Variants in SNTB1 observed in about 807,000 individuals in gnomAD.
SNTB1 encodes beta-1-syntrophin.
A neutral mutation model predicts 48.9 loss-of-function variants in SNTB1; 36 were observed. That is an observed-to-expected ratio of 0.74 (90% CI 0.56 to 0.97). The LOEUF (loss-of-function observed/expected upper bound fraction) is 0.97. SNTB1 is among the 50% of genes least tolerant of loss of function. The probability of loss-of-function intolerance (pLI) is 0.00; values close to 1 mark genes in which losing one functional copy is unlikely to be tolerated. For missense variants in SNTB1, 786 were observed against 703.4 expected, an observed-to-expected ratio of 1.12 and a Z score of -1.33; for synonymous variants, 299 against 294.6, an observed-to-expected ratio of 1.01 and a Z score of -0.15.
chr8:120,690,070 G>A (rs1463307521), intron 2 of SNTB1, among the ~76,000 whole-genome samples: 1 of 139,820 alleles, frequency 7.2e-6, no homozygotes, highest in African/African-American at 2.8e-5. Context: ...GTCAACTGCA[G>A]CCCAAAATAA....
chr8:120,704,755 C>G (rs1023599308), intron 1 of SNTB1, among the ~76,000 whole-genome samples: 1 of 152,044 alleles, frequency 6.6e-6, no homozygotes, highest in Non-Finnish European at 1.5e-5. Context: ...ACACCTAATG[C>G]TTATGATGAC....
intron 3 of SNTB1, among the ~76,000 whole-genome samples, chr8:120,578,544 C>T (rs1815986810): frequency 6.6e-6 from 1 of 152,158 alleles, no homozygotes; most frequent in African/African-American, 2.4e-5. Flanking sequence ...GGCTTCCTGC[C>T]TTGAGTGCTG....
chr8:120,606,443 A>C (rs528561661), intron 3 of SNTB1, among the ~76,000 whole-genome samples: 23 of 151,348 alleles, frequency 1.5e-4, no homozygotes, highest in South Asian at 6.3e-4. Flanking sequence ...GTATATACAC[A>C]CACTCCAAAT....
intron 1 of SNTB1, among the ~76,000 whole-genome samples, chr8:120,757,081 T>C (rs550433459): frequency 5.3e-5 from 8 of 152,338 alleles, no homozygotes; most frequent in South Asian, 2.1e-4. Flanking sequence ...ACATCTACTA[T>C]ACGCCAGGCC....
At chr8:120,571,496 T>TTG (rs1563820292) in intron 4 of SNTB1, 10 of 339,882 alleles carry the variant, frequency 2.9e-5, no homozygotes, top group African/African-American at 2.8e-4. Flanking sequence ...TTTTTTTTTT[T>TTG]TTTTTTTTTT....
intron 3 of SNTB1, among the ~76,000 whole-genome samples, chr8:120,599,115 G>A (rs1419885240): frequency 3.3e-5 from 5 of 152,326 alleles, no homozygotes; most frequent in Non-Finnish European, 5.9e-5. Flanking sequence ...TAGAAAACAA[G>A]CCAGGCAGGA....
At chr8:120,804,070 C>T (rs1350896923) in intron 1 of SNTB1, among the ~76,000 whole-genome samples, 1 of 152,108 alleles carries the variant, frequency 6.6e-6, no homozygotes, top group Non-Finnish European at 1.5e-5. Flanking sequence ...GTATAGCTTT[C>T]ATTATACCAT....
At chr8:120,586,730 A>C (rs1816148960) in intron 3 of SNTB1, among the ~76,000 whole-genome samples, 1 of 152,140 alleles carries the variant, frequency 6.6e-6, no homozygotes, top group Non-Finnish European at 1.5e-5. Context: ...TATTCTGCCT[A>C]CCTCAGTTGG....
intron 1 of SNTB1, among the ~76,000 whole-genome samples, chr8:120,801,178 A>C (rs1374498332): frequency 1.3e-5 from 2 of 152,052 alleles, no homozygotes; most frequent in Non-Finnish European, 2.9e-5. Context: ...AAATATCATT[A>C]ACCTTGATTT....
intron 2 of SNTB1, chr8:120,655,001 GC>G: frequency 2.2e-6 from 1 of 455,840 alleles, no homozygotes; most frequent in Non-Finnish European, 4.4e-6. Context: ...CATTATGGTC[GC>G]CTTCAGTTCC....
At chr8:120,598,477 TAAG>T (rs1352717835) in intron 3 of SNTB1, among the ~76,000 whole-genome samples, 1 of 152,210 alleles carries the variant, frequency 6.6e-6, no homozygotes, top group Non-Finnish European at 1.5e-5. Flanking sequence ...TACTCTGTGC[TAAG>T]TACTGAACTG....
chr8:120,705,039 G>T (rs1023678015), intron 1 of SNTB1, among the ~76,000 whole-genome samples: 2 of 152,172 alleles, frequency 1.3e-5, no homozygotes, highest in Non-Finnish European at 2.9e-5. Flanking sequence ...TTGCCTCCTC[G>T]ATCAGCCTAT....
At chr8:120,580,199 C>T (rs1330443416) in intron 3 of SNTB1, among the ~76,000 whole-genome samples, 1 of 152,182 alleles carries the variant, frequency 6.6e-6, no homozygotes, top group Non-Finnish European at 1.5e-5. Flanking sequence ...GTCTCTTTTT[C>T]TCGCTTCATA....
intron 1 of SNTB1, among the ~76,000 whole-genome samples, chr8:120,770,297 G>A (rs898127184): frequency 1.3e-5 from 2 of 151,986 alleles, no homozygotes; most frequent in Non-Finnish European, 2.9e-5. Flanking sequence ...CATCCACTTT[G>A]CAGGAAGTGA....
intron 1 of SNTB1, among the ~76,000 whole-genome samples, chr8:120,731,481 C>G (rs2129977849): frequency 6.6e-6 from 1 of 152,302 alleles, no homozygotes; most frequent in East Asian, 1.9e-4. Context: ...CTCTCTGGGT[C>G]AGCTGATGAA....
chr8:120,663,431 C>T (rs933404129), intron 2 of SNTB1, among the ~76,000 whole-genome samples: 3 of 152,126 alleles, frequency 2.0e-5, no homozygotes, highest in African/African-American at 4.8e-5. Flanking sequence ...CTCAGCCTCC[C>T]GAGTAGCTGG....
intron 2 of SNTB1, among the ~76,000 whole-genome samples, chr8:120,675,446 T>C (rs1451746988): frequency 6.6e-6 from 1 of 152,168 alleles, no homozygotes; most frequent in East Asian, 1.9e-4. Context: ...ATGAAAATAA[T>C]ATGCTGTATG....
chr8:120,551,725 CAAAA>C (rs764008790), intron 4 of SNTB1, among the ~76,000 whole-genome samples: 19 of 42,826 alleles, frequency 4.4e-4, no homozygotes, highest in African/African-American at 1.3e-3. Context: ...GACTCCATCT[CAAAA>C]AAAAAAAAAA....
intron 1 of SNTB1, among the ~76,000 whole-genome samples, chr8:120,739,858 C>G (rs1650338915): frequency 2.0e-5 from 3 of 152,138 alleles, no homozygotes; most frequent in Admixed American, 2.0e-4. Context: ...CGCTATTACT[C>G]CCATTTTATT....
Sources: allele counts gnomAD v4.1 joint callset (sites outside exome capture counted in the v4.1 genomes callset), GRCh38; gene constraint gnomAD v4.1.1; transcripts MANE v1.5; gene names NCBI Gene and HGNC (gene_info 2026-07-23, HGNC 2026-07-21).